Variants in TMEM232 observed in about 807,000 individuals in gnomAD.
TMEM232 encodes the protein transmembrane protein 232.
TMEM232 carries 80 observed loss-of-function variants against 78.8 expected under a neutral mutation model. The ratio of observed to expected loss-of-function variants is 1.01; its 90% CI spans 0.85 to 1.22. The LOEUF (loss-of-function observed/expected upper bound fraction) is 1.22, where lower values mean the gene tolerates loss of function less well. TMEM232 is among the 50% of genes most tolerant of loss of function. The probability of loss-of-function intolerance (pLI) is 0.00; values close to 1 mark genes in which losing one functional copy is unlikely to be tolerated. For synonymous variants in TMEM232, 297 were observed against 254.3 expected (o/e 1.17, Z -1.60); for missense variants, 881 against 742.2 (o/e 1.19, Z -2.17).
At chr5:110,707,206 C>A (rs1382373058) in intron 1 of TMEM232, among the ~76,000 whole-genome samples, 2 of 152,116 alleles carry the variant, frequency 1.3e-5, no homozygotes, top group African/African-American at 4.8e-5. Context: ...TGAACAATTA[C>A]AGTACCTGAT....
At chr5:110,573,501 G>T (rs1669833201) in intron 10 of TMEM232, among the ~76,000 whole-genome samples, 1 of 152,056 alleles carries the variant, frequency 6.6e-6, no homozygotes, top group Non-Finnish European at 1.5e-5. Flanking sequence ...TATTTACTGA[G>T]TGAATGCTAG....
chr5:110,610,538 T>G, intron 8 of TMEM232: 1 of 456,342 alleles, frequency 2.2e-6, no homozygotes, highest in Non-Finnish European at 4.4e-6. Context: ...ATAGTATTTG[T>G]GCAGAGCTTC....
intron 12 of TMEM232, among the ~76,000 whole-genome samples, chr5:110,481,078 G>A (rs1170618091): frequency 5.3e-5 from 8 of 151,868 alleles, no homozygotes; most frequent in Non-Finnish European, 8.8e-5. Context: ...TTTTAAATTT[G>A]CCATGTGAAT....
intron 2 of TMEM232, among the ~76,000 whole-genome samples, chr5:110,399,832 C>A (rs1755528221): frequency 6.6e-6 from 1 of 152,136 alleles, no homozygotes; most frequent in Non-Finnish European, 1.5e-5. Flanking sequence ...ACCTCAGGAT[C>A]TTCTTTTCTA....
At chr5:110,423,799 G>A (rs1039885344) in intron 13 of TMEM232, among the ~76,000 whole-genome samples, 1 of 151,716 alleles carries the variant, frequency 6.6e-6, no homozygotes, top group Non-Finnish European at 1.5e-5. Flanking sequence ...GTGTGTGTGT[G>A]TGTGTGTGTG....
At chr5:110,542,596 G>A (rs751555725) in intron 11 of TMEM232, among the ~76,000 whole-genome samples, 1 of 152,064 alleles carries the variant, frequency 6.6e-6, no homozygotes, top group Non-Finnish European at 1.5e-5. Context: ...AGTTACAGAA[G>A]AAAGACCATC....
chr5:110,419,443 T>C (rs753584886), downstream of TMEM232, among the ~76,000 whole-genome samples: 2 of 152,152 alleles, frequency 1.3e-5, no homozygotes, highest in Non-Finnish European at 2.9e-5. Context: ...CTTTGGCCCA[T>C]GGATAAAACT....
chr5:110,482,408 C>G (rs1267512120), intron 12 of TMEM232, among the ~76,000 whole-genome samples: 1 of 151,922 alleles, frequency 6.6e-6, no homozygotes, highest in Non-Finnish European at 1.5e-5. Flanking sequence ...TGGCAAAACC[C>G]CGTCTCTACT....
chr5:110,586,568 TCACA>T (rs61213708), intron 10 of TMEM232, among the ~76,000 whole-genome samples: 13,664 of 148,432 alleles, frequency 0.092, 768 homozygotes, highest in South Asian at 0.19. Flanking sequence ...ACACACCCTT[TCACA>T]CACACACACA....
intron 10 of TMEM232, among the ~76,000 whole-genome samples, chr5:110,574,417 C>T (rs1235533127): frequency 6.6e-6 from 1 of 151,956 alleles, no homozygotes; most frequent in African/African-American, 2.4e-5. Context: ...TGGCCTTTGT[C>T]CTTGGCTCTG....
upstream of TMEM232, among the ~76,000 whole-genome samples, chr5:110,730,467 A>T (rs930040998): frequency 6.6e-6 from 1 of 152,174 alleles, no homozygotes; most frequent in Admixed American, 6.5e-5. Flanking sequence ...AATAATTTCT[A>T]TTTGATACTG....
intron 12 of TMEM232, among the ~76,000 whole-genome samples, chr5:110,477,997 G>T (rs1190961432): frequency 6.6e-6 from 1 of 151,858 alleles, no homozygotes; most frequent in African/African-American, 2.4e-5. Flanking sequence ...GAGAGGATTA[G>T]AATAGGTGTT....
At chr5:110,694,882 A>G (rs1486612783) in intron 1 of TMEM232, among the ~76,000 whole-genome samples, 1 of 152,212 alleles carries the variant, frequency 6.6e-6, no homozygotes, top group Non-Finnish European at 1.5e-5. Flanking sequence ...TGTCAACATT[A>G]GACAGATCAA....
intron 12 of TMEM232, among the ~76,000 whole-genome samples, chr5:110,524,029 C>A (rs1769991860): frequency 1.4e-5 from 2 of 146,982 alleles, no homozygotes; most frequent in Admixed American, 6.8e-5. Context: ...GTTTGGGAGG[C>A]TGAGGCGGGT....
At chr5:110,519,333 G>T (rs1488305330) in intron 12 of TMEM232, among the ~76,000 whole-genome samples, 1 of 152,058 alleles carries the variant, frequency 6.6e-6, no homozygotes, top group Non-Finnish European at 1.5e-5. Context: ...ATTTGACAAA[G>T]AATTACCTTA....
intron 3 of TMEM232, among the ~76,000 whole-genome samples, chr5:110,392,378 G>A (rs549936977): frequency 6.6e-6 from 1 of 152,230 alleles, no homozygotes; most frequent in East Asian, 1.9e-4. Flanking sequence ...TTGGTAGAAG[G>A]AAAAAAATTG....
In TMEM232 at chr5:110,528,746, A is replaced by G. The variant is rs1770980858; in HGVS notation, c.1545T>C (p.Ile515=). Residue 515 remains isoleucine (I), a synonymous_variant, in exon 12 of 14, where the codon ATT becomes ATC. Coordinates refer to ENST00000455884, the MANE Select transcript of TMEM232 (RefSeq NM_001039763.4). ...NVGEEVFSKY[I]GWRIANTLSK... Reference sequence around the variant, plus strand: ...AAAGAGTGTTGGCAATTCTCCACCCAATATATTTGGAGAAAACTTCTTCTC... The same window carrying G: ...AAAGAGTGTTGGCAATTCTCCACCCGATATATTTGGAGAAAACTTCTTCTC... The G allele has an allele frequency of 2.6e-6, 4 of 1,534,264 alleles. No homozygotes were observed. Among genetic ancestry groups the G allele is most frequent in the Non-Finnish European group, 2.6e-6 (3 of 1,146,062 alleles).
At chr5:110,697,651 C>A (rs1794954219) in intron 1 of TMEM232, among the ~76,000 whole-genome samples, 1 of 152,162 alleles carries the variant, frequency 6.6e-6, no homozygotes, top group Non-Finnish European at 1.5e-5. Context: ...TATGAACAGA[C>A]ACTTCTCAAA....
intron 11 of TMEM232, among the ~76,000 whole-genome samples, chr5:110,535,299 C>G (rs1171767346): frequency 6.6e-6 from 1 of 152,070 alleles, no homozygotes; most frequent in Non-Finnish European, 1.5e-5. Context: ...CATACTGACT[C>G]GAAAGCTCCC....
Sources: allele counts gnomAD v4.1 joint callset (sites outside exome capture counted in the v4.1 genomes callset), GRCh38; gene constraint gnomAD v4.1.1; transcripts MANE v1.5; gene names NCBI Gene and HGNC (gene_info 2026-07-23, HGNC 2026-07-21).